NUP133: variants seen among roughly 807,000 people sequenced by gnomAD.
NUP133 encodes the protein nucleoporin 133.
A neutral mutation model predicts 146.2 loss-of-function variants in NUP133; 66 were observed. That is an observed-to-expected ratio of 0.45 (90% CI 0.37 to 0.55). The LOEUF (loss-of-function observed/expected upper bound fraction) is 0.55, where lower values mean the gene tolerates loss of function less well. Ranked by LOEUF, NUP133 falls within the 20% of genes least tolerant of loss-of-function variation. The pLI is 0.00. For synonymous variants in NUP133, 521 were observed against 498.8 expected (o/e 1.04, Z -0.59); for missense variants, 1,277 against 1,374.8 (o/e 0.93, Z 1.12).
chr1:229,507,141 C>A (rs192307311), intron 1 of NUP133, among the ~76,000 whole-genome samples: 1 of 152,256 alleles, frequency 6.6e-6, no homozygotes, highest in East Asian at 1.9e-4. Context: ...ATAAAGTATG[C>A]TTTTATTCTC....
At chr1:229,495,678 AT>A (rs1310824382) in intron 7 of NUP133, 113 bp from the exon 8 acceptor site, 1 of 895,684 alleles carries the variant, frequency 1.1e-6, no homozygotes, top group African/African-American at 1.7e-5. Context: ...TTGCTGAATA[AT>A]GTATACATTA....
chr1:229,505,564 TAAAAAAAAAAAA>T (rs56383157), intron 2 of NUP133, among the ~76,000 whole-genome samples: 20 of 63,242 alleles, frequency 3.2e-4, no homozygotes, highest in Admixed American at 1.1e-3. Flanking sequence ...CAATTACAGT[TAAAAAAAAAAAA>T]AAAAAAAAAA....
At position 229,466,721 on chromosome 1, in the gene NUP133, C is replaced by T; in HGVS notation, c.2112G>A (p.Leu704=). The change falls in exon 16 of 26, where the codon CTG becomes CTA. Residue 704 remains leucine (L), a synonymous_variant. Coordinates refer to ENST00000261396, the MANE Select transcript of NUP133 (RefSeq NM_018230.3). ...CCCTCAAGACTTGCTCCTCATGCTC[C>T]AGTAAGCACTCACAGATGGTATCTA... The part of the protein sequence containing the change: ...SQVDTICECL[L]EHEEQVLRDA... 6.2e-7 allele frequency: 1 copy of T among 1,614,044 alleles called. No homozygotes were observed. The highest frequency in any genetic ancestry group is 2.2e-5 in the East Asian group (1 of 44,868).
At chr1:229,471,970 A>G (rs1433520473) in intron 14 of NUP133, among the ~76,000 whole-genome samples, 1 of 152,208 alleles carries the variant, frequency 6.6e-6, no homozygotes, top group East Asian at 1.9e-4. Flanking sequence ...TTTTAAAATA[A>G]GAGTTACATG....
intron 15 of NUP133, among the ~76,000 whole-genome samples, chr1:229,469,172 AG>A (rs1050895843): frequency 1.1e-3 from 172 of 152,334 alleles, no homozygotes; most frequent in African/African-American, 3.9e-3. Context: ...CACAGAGCTC[AG>A]GGAAGAGCTG....
chr1:229,506,274 A>T (rs1332674973), intron 1 of NUP133, 116 bp from the exon 2 acceptor site: 17 of 547,630 alleles, frequency 3.1e-5, no homozygotes. Context: ...ACACTGGCTC[A>T]TATTTACCAT....
chr1:229,457,151 A>G (rs946565307), intron 21 of NUP133, among the ~76,000 whole-genome samples: 2 of 151,864 alleles, frequency 1.3e-5, no homozygotes, highest in Non-Finnish European at 1.5e-5. Flanking sequence ...ATTGACGCAT[A>G]ATAATTATAC....
Position 229,502,055 on chromosome 1 carries a change from G to T in NUP133, c.349C>A (p.Leu117Met). Residue 117 changes from leucine to methionine, a missense_variant, in exon 3 of 26, where the codon CTG becomes ATG. Around this residue, in one of 3 missense-constraint regions of NUP133, gnomAD observed 319 missense variants for 306.9 expected, o/e 1.04. Coordinates refer to ENST00000261396, the MANE Select transcript of NUP133 (RefSeq NM_018230.3). ...INIDEGGWAC[L>M]VCKEKLIIWK... ...ATAATGAGCTTCTCTTTGCACACCA[G>T]ACAAGCCCATCCACCTTCATCTATG... 2 of 1,613,922 alleles carry T rather than the reference G, an allele frequency of 1.2e-6. No homozygotes were observed. Among genetic ancestry groups the T allele is most frequent in the Non-Finnish European group, 1.7e-6 (2 of 1,179,940 alleles).
At chr1:229,496,562 T>G (rs1193880747) in intron 6 of NUP133, among the ~76,000 whole-genome samples, 1 of 151,966 alleles carries the variant, frequency 6.6e-6, no homozygotes, top group African/African-American at 2.4e-5. Flanking sequence ...AGGATACAGG[T>G]GGAAAGCCCA....
At chr1:229,449,851 T>TATATATATATA (rs1660401047) in intron 23 of NUP133, among the ~76,000 whole-genome samples, 3 of 67,620 alleles carry the variant, frequency 4.4e-5, no homozygotes, top group Admixed American at 2.0e-4. Context: ...TATGAAGATT[T>TATATATATATA]TATATATATA....
intron 25 of NUP133, among the ~76,000 whole-genome samples, chr1:229,444,064 G>A (rs1037995645): frequency 6.6e-6 from 1 of 152,018 alleles, no homozygotes; most frequent in African/African-American, 2.4e-5. Flanking sequence ...TGGGCGTGGT[G>A]GCTCATGCCT....
intron 21 of NUP133, among the ~76,000 whole-genome samples, chr1:229,454,217 T>C (rs1210498515): frequency 6.6e-6 from 1 of 152,148 alleles, no homozygotes; most frequent in African/African-American, 2.4e-5. Flanking sequence ...CTGTTTGCCA[T>C]AAACTCTCCA....
At position 229,440,437 on chromosome 1, in the gene NUP133, G is replaced by T. The variant is rs1043448549; in HGVS notation, c.*1467C>A. On this transcript the variant is annotated 3_prime_UTR_variant, in exon 26 of 26. Coordinates refer to ENST00000261396, the MANE Select transcript of NUP133 (RefSeq NM_018230.3). The stretch of plus-strand genomic sequence containing the variant: ...CGTTCTACGTCCACGCGATCAGTGG[G>T]TTCTGGGGCATGATCAGATGGGCTT... 6.6e-6 allele frequency: 1 copy of T among 152,180 alleles called. No individual in the cohort carries two copies. The highest frequency in any genetic ancestry group is 1.5e-5 in the Non-Finnish European group (1 of 68,050). 9.4% of individuals were successfully genotyped at this position (152,180 alleles called of 1,614,324 possible). A position where few individuals can be genotyped will look rare whatever the true frequency, so the allele number is the denominator to read the frequency against.
intron 21 of NUP133, 89 bp downstream of exon 21, chr1:229,458,072 A>C: frequency 7.3e-7 from 1 of 1,361,970 alleles, no homozygotes; most frequent in Non-Finnish European, 1.0e-6. Flanking sequence ...TTTCTAAGAG[A>C]TAGATCCTGC....
At chr1:229,459,278 G>A (rs960503500) in intron 20 of NUP133, among the ~76,000 whole-genome samples, 2 of 152,080 alleles carry the variant, frequency 1.3e-5, no homozygotes, top group Admixed American at 6.5e-5. Context: ...ATCCCAGAAC[G>A]TTGGGAGGCT....
intron 2 of NUP133, among the ~76,000 whole-genome samples, chr1:229,502,385 C>G (rs1661823411): frequency 1.3e-5 from 2 of 151,560 alleles, no homozygotes; most frequent in South Asian, 4.2e-4. Context: ...TGGTGAAACT[C>G]CAACTCTACT....
chr1:229,507,211 T>A (rs1661968765), intron 1 of NUP133, among the ~76,000 whole-genome samples: 1 of 152,214 alleles, frequency 6.6e-6, no homozygotes, highest in Admixed American at 6.5e-5. Flanking sequence ...AAAGAACTTT[T>A]CAAAATATGC....
At chr1:229,491,649 G>A (rs1661518593) in intron 8 of NUP133, among the ~76,000 whole-genome samples, 1 of 152,176 alleles carries the variant, frequency 6.6e-6, no homozygotes, top group African/African-American at 2.4e-5. Context: ...ATGGTGGCGT[G>A]TGCCTGTAAT....
chr1:229,470,768 T>C lies in NUP133; in HGVS notation c.1888A>G (p.Arg630Gly). 1 of 1,614,146 alleles carries C rather than the reference T, an allele frequency of 6.2e-7. No homozygotes were observed. Among genetic ancestry groups the C allele is most frequent in the Non-Finnish European group, 8.5e-7 (1 of 1,180,032 alleles). Residue 630 changes from arginine (R) to glycine (G), a missense_variant, in exon 15 of 26, where the codon AGA (arginine) becomes GGA (glycine). Coordinates refer to ENST00000261396, the MANE Select transcript of NUP133 (RefSeq NM_018230.3). The stretch of plus-strand genomic sequence containing the variant: ...AGTCGAGTGGCCATCGGTGTCCCTC[T>C]AACTGGAAAACTGCCTAGACGTCCA... The part of the protein sequence containing the change: ...LFGRLGSFPV[R>G]GTPMATRLLL...
Sources: gnomAD v4.1 joint callset for allele counts (sites outside exome capture counted in the v4.1 genomes callset) on GRCh38, gnomAD v4.1.1 for gene constraint, gnomAD v4.1.1 regional missense constraint, MANE v1.5 for transcripts, NCBI Gene and HGNC (gene_info 2026-07-23, HGNC 2026-07-21) for gene names.